Variants in VAC14 observed in about 807,000 individuals in gnomAD.
The protein encoded by VAC14 is protein VAC14 homolog.
A neutral mutation model predicts 85.3 loss-of-function variants in VAC14; 47 were observed. The observed-to-expected ratio is 0.55, with a 90% CI of 0.44 to 0.70. VAC14 has a LOEUF of 0.70. VAC14 is among the 30% of genes least tolerant of loss of function. VAC14 has a pLI of 0.00. For missense variants in VAC14, 861 were observed against 1,004.3 expected, an observed-to-expected ratio of 0.86 and a Z score of 1.93; for synonymous variants, 447 against 430.5, an observed-to-expected ratio of 1.04 and a Z score of -0.47.
At chr16:70,721,258 G>A (rs1277555420) in intron 14 of VAC14, among the ~76,000 whole-genome samples, 1 of 152,152 alleles carries the variant, frequency 6.6e-6, no homozygotes, top group Non-Finnish European at 1.5e-5. Flanking sequence ...TTGACTTGGT[G>A]CTTCACCTCT....
intron 12 of VAC14, among the ~76,000 whole-genome samples, chr16:70,760,616 A>G (rs376419879): frequency 2.1e-4 from 32 of 152,080 alleles, no homozygotes; most frequent in African/African-American, 5.1e-4. Flanking sequence ...GTGCCCCAAA[A>G]CCCTGACAAC....
In VAC14 at chr16:70,711,659, A is replaced by G. The variant is rs2054037078; in HGVS notation, c.1662-12848T>C. On this transcript the variant is annotated intron_variant, in intron 14 of 18. Coordinates refer to ENST00000261776, the MANE Select transcript of VAC14 (RefSeq NM_018052.5). Reference sequence around the variant, plus strand: ...GCCCCAGCACCCCAAGAGGAAGCACAGCTCACAGCTGCTGCCCTGGGCACG... The same window carrying G: ...GCCCCAGCACCCCAAGAGGAAGCACGGCTCACAGCTGCTGCCCTGGGCACG... 2.0e-5 allele frequency among the ~76,000 whole-genome samples: 3 copies of G among 152,178 alleles called. No individual in the cohort carries two copies. In the South Asian group the frequency reaches 6.2e-4, roughly 31 times the overall value.
chr16:70,785,636 C>A, intron 3 of VAC14, 66 bp downstream of exon 3: 1 of 1,485,966 alleles, frequency 6.7e-7, no homozygotes, highest in South Asian at 1.4e-5. Context: ...GTCCAAGGTT[C>A]CAGAAGGTCA....
chr16:70,789,628 T>C (rs2034242153), intron 1 of VAC14, among the ~76,000 whole-genome samples: 2 of 152,252 alleles, frequency 1.3e-5, no homozygotes, highest in African/African-American at 2.4e-5. Flanking sequence ...GATTTCACAC[T>C]GCCTAAAGAA....
chr16:70,767,083 G>A (rs2143118740), intron 10 of VAC14, among the ~76,000 whole-genome samples: 2 of 152,316 alleles, frequency 1.3e-5, no homozygotes, highest in South Asian at 4.1e-4. Flanking sequence ...GTTATTTCAA[G>A]GTGTCTGCAA....
At position 70,762,598 on chromosome 16, in the gene VAC14, CG is replaced by C. The variant is rs758402833; in HGVS notation, c.1312del (p.Arg438GlyfsTer21). The C allele has an allele frequency of 9.3e-6, 15 of 1,614,040 alleles. No homozygotes were observed. The highest frequency in any genetic ancestry group is 6.6e-5 in the South Asian group (6 of 91,018). ...GATGGGAAAGAGGCTGTCCGTGTGC[CG>C]GAACATCTGGAGGGCAGAGAAGCAG... ...LYIKTPRKMF[R>X]HTDSLFPILL... is the part of the protein sequence containing the mutation. On this transcript the variant is annotated frameshift_variant, in exon 12 of 19. Coordinates refer to ENST00000261776, the MANE Select transcript of VAC14 (RefSeq NM_018052.5). LOFTEE classifies it high-confidence loss of function. This position sits in a 1 kb window ranked among gnomAD's most constrained non-coding sequence, Gnocchi z 4.1.
chr16:70,692,678 G>T (rs1226547273), intron 18 of VAC14, 143 bp downstream of exon 18: 28 of 1,127,290 alleles, frequency 2.5e-5, no homozygotes, highest in Middle Eastern at 5.8e-4. Flanking sequence ...CTGCGGGGGG[G>T]ATGGTGGTCA....
At chr16:70,696,325 C>G (rs1033508192) in intron 16 of VAC14, among the ~76,000 whole-genome samples, 7 of 152,124 alleles carry the variant, frequency 4.6e-5, no homozygotes, top group Non-Finnish European at 5.9e-5. Context: ...CTAGCCTGGC[C>G]AACATGGTGA....
intron 14 of VAC14, among the ~76,000 whole-genome samples, chr16:70,708,334 T>A (rs2053962469): frequency 6.6e-6 from 1 of 152,050 alleles, no homozygotes; most frequent in South Asian, 2.1e-4. Context: ...ATGGGGGAGA[T>A]GAATGCTTGT....
At chr16:70,760,947 G>A (rs1188067178) in intron 12 of VAC14, among the ~76,000 whole-genome samples, 2 of 147,102 alleles carry the variant, frequency 1.4e-5, no homozygotes, top group Non-Finnish European at 3.0e-5. Flanking sequence ...TGCAGGGGGT[G>A]GTGCACGAAG....
chr16:70,716,571 C>A (rs1217925078), intron 14 of VAC14: 1 of 152,264 alleles, frequency 6.6e-6, no homozygotes, highest in African/African-American at 2.4e-5. Context: ...TATGAAAGAA[C>A]CCAACTGGCC....
intron 14 of VAC14, among the ~76,000 whole-genome samples, chr16:70,723,875 A>C (rs2054355924): frequency 6.6e-6 from 1 of 152,190 alleles, no homozygotes. Context: ...CTTTCCCACC[A>C]ATCTGCTGCC....
chr16:70,689,126 C>G (rs1160051389), intron 18 of VAC14: 1 of 980,628 alleles, frequency 1.0e-6, no homozygotes, highest in Admixed American at 6.1e-5. Context: ...TGGACCCAAC[C>G]ATAACTCCAC....
intron 14 of VAC14, among the ~76,000 whole-genome samples, chr16:70,730,363 C>T (rs1418611035): frequency 6.6e-6 from 1 of 152,076 alleles, no homozygotes; most frequent in African/African-American, 2.4e-5. Context: ...CTCTGATCCT[C>T]ACTGTGGCCC....
chr16:70,695,847 T>G, intron 16 of VAC14: 2 of 500,080 alleles, frequency 4.0e-6, no homozygotes, highest in Non-Finnish European at 3.7e-6. Flanking sequence ...CTAGCAGCTG[T>G]CTCCTCTGCA....
chr16:70,743,460 CTT>C (rs552826946), intron 13 of VAC14, among the ~76,000 whole-genome samples: 5 of 152,228 alleles, frequency 3.3e-5, no homozygotes, highest in Non-Finnish European at 7.3e-5. Context: ...GCTGCTCACT[CTT>C]TGAGTCCGCA....
intron 17 of VAC14, among the ~76,000 whole-genome samples, chr16:70,694,765 G>T (rs779427126): frequency 6.6e-6 from 1 of 152,224 alleles, no homozygotes; most frequent in Non-Finnish European, 1.5e-5. Flanking sequence ...TGCCACTTTT[G>T]CACATTCAGC....
rs1452827391 is a variant in VAC14, at chr16:70,785,905, G to A, written c.256-36C>T. On this transcript the variant is annotated intron_variant, in intron 2 of 18. Transcript: ENST00000261776. ...GCAGGAGGAGAAGACAGATCAGAATGGGTTGGAGCCCAGGCCCTGCAGCCT... is the reference window on the plus strand; with the variant it reads ...GCAGGAGGAGAAGACAGATCAGAATAGGTTGGAGCCCAGGCCCTGCAGCCT... 5 of 1,578,678 alleles carry A rather than the reference G, an allele frequency of 3.2e-6. No individual in the cohort carries two copies. The South Asian group carries it at 4.6e-5, about 14-fold the overall frequency.
intron 14 of VAC14, among the ~76,000 whole-genome samples, chr16:70,717,231 G>C (rs1196816557): frequency 6.6e-6 from 1 of 152,248 alleles, no homozygotes; most frequent in Non-Finnish European, 1.5e-5. Flanking sequence ...ATGAGCCCAG[G>C]ACAGGTGCTG....
Sources: gnomAD v4.1 joint callset for allele counts (sites outside exome capture counted in the v4.1 genomes callset) on GRCh38, gnomAD v4.1.1 for gene constraint, Gnocchi (gnomAD v3.1) non-coding constraint, MANE v1.5 for transcripts, NCBI Gene and HGNC (gene_info 2026-07-23, HGNC 2026-07-21) for gene names.